Variants in LCORL observed in about 807,000 individuals in gnomAD.
LCORL encodes the protein ligand-dependent nuclear receptor corepressor-like protein.
In LCORL, 41 loss-of-function variants were observed where a neutral mutation model predicts 141.8. That is an observed-to-expected ratio of 0.29 (90% confidence interval 0.23 to 0.38). The LOEUF is 0.38. Ranked by LOEUF, LCORL falls within the 10% of genes least tolerant of loss-of-function variation. The pLI is 1.00. For synonymous variants in LCORL, 618 were observed against 694.1 expected (o/e 0.89, Z 1.72); for missense variants, 1,759 against 2,035.0 (o/e 0.86, Z 2.61).
intron 1 of LCORL, among the ~76,000 whole-genome samples, chr4:18,005,208 C>CG (rs1722603419): frequency 6.6e-6 from 1 of 152,158 alleles, no homozygotes; most frequent in East Asian, 1.9e-4. Flanking sequence ...CATGAGCCAC[C>CG]ACACCTGGCT....
chr4:17,843,151 C>T (rs1722585401), exon 8 of LCORL: 2 of 759,558 alleles, frequency 2.6e-6, no homozygotes, highest in Non-Finnish European at 4.1e-6. Context: ...GTTTTTTTGA[C>T]ATTGAGATTT....
intron 1 of LCORL, among the ~76,000 whole-genome samples, chr4:17,996,233 T>C (rs1720904821): frequency 1.3e-5 from 2 of 152,200 alleles, no homozygotes; most frequent in East Asian, 3.9e-4. Flanking sequence ...AATTATTACT[T>C]ATAAAGTTGT....
At chr4:17,894,465 G>T (rs890033928) in intron 5 of LCORL, among the ~76,000 whole-genome samples, 7 of 151,940 alleles carry the variant, frequency 4.6e-5, no homozygotes, top group African/African-American at 1.5e-4. Flanking sequence ...TTAAATAAAA[G>T]GATTTTAAAA....
Position 17,884,126 on chromosome 4 carries a change from C to T in LCORL, c.776+1942G>A, listed in dbSNP as rs1727968075. ...GTCAACACTTGAGTGAGTTACAGGC[C>T]CAGAACATTCTATTTTGTTCTGTTT... On this transcript the variant is annotated intron_variant, in intron 6 of 7. Transcript: ENST00000635767. This position sits in a 1 kb window ranked among gnomAD's most constrained non-coding sequence, Gnocchi z 4.4. 6.5e-6 allele frequency: 10 copies of T among 1,550,368 alleles called. No homozygotes were observed.
chr4:17,970,246 C>T (rs1244246151), intron 2 of LCORL, among the ~76,000 whole-genome samples: 1 of 152,070 alleles, frequency 6.6e-6, no homozygotes, highest in Admixed American at 6.6e-5. Context: ...AAATCTAAAC[C>T]AACACTACTC....
chr4:17,868,778 C>T (rs1355107072), intron 7 of LCORL, among the ~76,000 whole-genome samples: 1 of 152,172 alleles, frequency 6.6e-6, no homozygotes, highest in East Asian at 1.9e-4. Flanking sequence ...TCTCTTTGTC[C>T]TGTCATCCCC....
chr4:17,877,365 A>G, exon 7 of LCORL: 26 of 1,230,508 alleles, frequency 2.1e-5, no homozygotes, highest in Non-Finnish European at 2.6e-5. Context: ...CGTGGTTTCT[A>G]TTGATTTTAG....
chr4:18,010,976 C>T (rs1011486113), intron 1 of LCORL, among the ~76,000 whole-genome samples: 5 of 152,020 alleles, frequency 3.3e-5, no homozygotes, highest in Admixed American at 6.6e-5. Context: ...GTGAATTATC[C>T]GATTGGTGAT....
chr4:17,954,290 T>C (rs568184290), intron 4 of LCORL, among the ~76,000 whole-genome samples: 1 of 152,252 alleles, frequency 6.6e-6, no homozygotes, highest in East Asian at 1.9e-4. Flanking sequence ...ATGAAGAAGT[T>C]AGCAATGTGC....
chr4:17,994,234 C>A (rs1720529021), intron 1 of LCORL, among the ~76,000 whole-genome samples: 1 of 152,064 alleles, frequency 6.6e-6, no homozygotes, highest in Admixed American at 6.5e-5. Flanking sequence ...AGCTGCTTTT[C>A]TATTTTCATT....
Position 17,862,703 on chromosome 4 carries a change from C to T in LCORL, c.5602+10685G>A, listed in dbSNP as rs1370305026. 2.0e-5 allele frequency among the ~76,000 whole-genome samples: 3 copies of T among 152,170 alleles called. No individual in the cohort carries two copies. The East Asian group carries it at 5.8e-4, about 29-fold the overall frequency. On this transcript the variant is annotated intron_variant, in intron 7 of 7. Transcript: ENST00000635767. ...AGATTGAAACTGCGCTCCTTCCTTA[C>T]ACCATATACAAAAATCAACTCAAGA...
At chr4:17,956,187 A>C (rs1712588552) in intron 4 of LCORL, among the ~76,000 whole-genome samples, 1 of 152,124 alleles carries the variant, frequency 6.6e-6, no homozygotes, top group Admixed American at 6.5e-5. Flanking sequence ...TGAAGAGGAA[A>C]GGCAACTCTT....
chr4:17,955,279 CT>C (rs1712368918), intron 4 of LCORL, among the ~76,000 whole-genome samples: 7 of 152,252 alleles, frequency 4.6e-5, no homozygotes, highest in Middle Eastern at 3.4e-3. Context: ...ACTGGCATTC[CT>C]TTGAATAGGA....
intron 1 of LCORL, among the ~76,000 whole-genome samples, chr4:17,977,770 G>T (rs1717246830): frequency 6.6e-6 from 1 of 152,044 alleles, no homozygotes; most frequent in South Asian, 2.1e-4. Context: ...TGTTAATTTT[G>T]ATGATTAATT....
intron 4 of LCORL, among the ~76,000 whole-genome samples, chr4:17,925,721 A>G (rs970926875): frequency 4.6e-5 from 7 of 151,884 alleles, no homozygotes; most frequent in Non-Finnish European, 1.0e-4. Context: ...AATACAAAAA[A>G]TTAGCCAGGT....
chr4:17,914,225 T>G (rs561493207), intron 4 of LCORL, among the ~76,000 whole-genome samples: 9 of 152,350 alleles, frequency 5.9e-5, no homozygotes, highest in African/African-American at 2.2e-4. Context: ...CTTCTTCACC[T>G]TTTTTCAAAT....
chr4:17,872,465 G>A (rs967709790), intron 7 of LCORL, among the ~76,000 whole-genome samples: 3 of 152,068 alleles, frequency 2.0e-5, no homozygotes, highest in Non-Finnish European at 2.9e-5. Flanking sequence ...ATCTCATAGC[G>A]CTTTAAGAAA....
At chr4:17,918,010 TTCC>T (rs1336036000) in intron 4 of LCORL, among the ~76,000 whole-genome samples, 8 of 152,090 alleles carry the variant, frequency 5.3e-5, no homozygotes, top group African/African-American at 1.9e-4. Context: ...ATTCTCAGCC[TTCC>T]TCCTCAAGAC....
intron 4 of LCORL, among the ~76,000 whole-genome samples, chr4:17,957,908 A>G (rs1319207273): frequency 6.6e-6 from 1 of 152,010 alleles, no homozygotes; most frequent in Admixed American, 6.6e-5. Flanking sequence ...TGAATGAATC[A>G]TGTTAAATTT....
Sources: gnomAD v4.1 joint callset for allele counts (sites outside exome capture counted in the v4.1 genomes callset) on GRCh38, gnomAD v4.1.1 for gene constraint, Gnocchi (gnomAD v3.1) non-coding constraint, MANE v1.5 for transcripts, NCBI Gene and HGNC (gene_info 2026-07-23, HGNC 2026-07-21) for gene names.